Variants in KCNMA1 observed in about 807,000 individuals in gnomAD.
KCNMA1 encodes potassium calcium-activated channel subfamily M alpha 1, also known as Calcium-activated potassium channel subunit alpha-1.
KCNMA1 carries 29 observed loss-of-function variants against 140.0 expected under a neutral mutation model. The ratio of observed to expected loss-of-function variants is 0.21; its 90% CI spans 0.15 to 0.28. The LOEUF (loss-of-function observed/expected upper bound fraction) is 0.28, where lower values mean the gene tolerates loss of function less well. KCNMA1 is among the 10% of genes least tolerant of loss of function. The pLI is 1.00. For missense variants in KCNMA1, 880 were observed against 1,602.2 expected, an observed-to-expected ratio of 0.55 and a Z score of 7.70; for synonymous variants, 612 against 611.9, an observed-to-expected ratio of 1.00 and a Z score of 0.00.
At chr10:77,129,443 T>G (rs1420582112) in intron 5 of KCNMA1, among the ~76,000 whole-genome samples, 1 of 152,158 alleles carries the variant, frequency 6.6e-6, no homozygotes, top group Non-Finnish European at 1.5e-5. Flanking sequence ...AATAGCAAAT[T>G]TCCGTTAATC....
At chr10:76,977,607 C>T (rs1233371126) in intron 19 of KCNMA1, 1 of 702,940 alleles carries the variant, frequency 1.4e-6, no homozygotes, top group Non-Finnish European at 2.6e-6. Flanking sequence ...CCTTGCTTTC[C>T]AGTCTCCACA....
intron 12 of KCNMA1, among the ~76,000 whole-genome samples, chr10:77,081,570 G>T (rs777559040): frequency 2.0e-5 from 3 of 152,156 alleles, no homozygotes; most frequent in Non-Finnish European, 4.4e-5. Flanking sequence ...AGAGAAGGCA[G>T]CCAGGGAGCA....
chr10:76,897,616 CT>C (rs2043151402), intron 25 of KCNMA1, among the ~76,000 whole-genome samples: 1 of 151,832 alleles, frequency 6.6e-6, no homozygotes. Flanking sequence ...AAATTAGCTT[CT>C]TTAAAGATAA....
At chr10:77,415,306 A>G (rs144266834) in intron 1 of KCNMA1, among the ~76,000 whole-genome samples, 1 of 152,348 alleles carries the variant, frequency 6.6e-6, no homozygotes, top group African/African-American at 2.4e-5. Flanking sequence ...ATTGGAAAAT[A>G]TAAGTGACAG....
intron 1 of KCNMA1, among the ~76,000 whole-genome samples, chr10:77,607,891 G>T (rs749709424): frequency 2.6e-5 from 4 of 152,134 alleles, no homozygotes; most frequent in African/African-American, 9.7e-5. Flanking sequence ...CACTCGAGAG[G>T]TCCCTTCTCC....
chr10:76,963,069 C>T (rs1005049444), intron 20 of KCNMA1, among the ~76,000 whole-genome samples: 2 of 152,178 alleles, frequency 1.3e-5, no homozygotes, highest in South Asian at 4.1e-4. Flanking sequence ...GCCTGAAGTT[C>T]GCCTGGAGCC....
chr10:77,147,207 A>G (rs1236994863), intron 5 of KCNMA1, among the ~76,000 whole-genome samples: 1 of 152,220 alleles, frequency 6.6e-6, no homozygotes, highest in South Asian at 2.1e-4. Context: ...AACTTGTACT[A>G]TAACTTATTC....
intron 11 of KCNMA1, 100 bp from the exon 12 acceptor site, chr10:77,084,819 AAG>A (rs899897420): frequency 2.4e-6 from 2 of 823,018 alleles, no homozygotes; most frequent in Non-Finnish European, 4.0e-6. Context: ...AAGCTTTGCA[AAG>A]AAAAAAAAAA....
At chr10:77,189,904 G>A (rs901655069) in intron 3 of KCNMA1, among the ~76,000 whole-genome samples, 7 of 152,102 alleles carry the variant, frequency 4.6e-5, no homozygotes, top group Admixed American at 1.3e-4. Context: ...CACCATCACG[G>A]TCCCTGCCTG....
At chr10:77,146,197 T>G (rs1178599201) in intron 5 of KCNMA1, among the ~76,000 whole-genome samples, 1 of 152,182 alleles carries the variant, frequency 6.6e-6, no homozygotes, top group Non-Finnish European at 1.5e-5. Context: ...TAGGGGACGA[T>G]CCACCAGCCC....
intron 5 of KCNMA1, among the ~76,000 whole-genome samples, chr10:77,157,173 G>T (rs749269131): frequency 2.7e-4 from 41 of 152,208 alleles, no homozygotes; most frequent in Non-Finnish European, 5.0e-4. Context: ...CAGGCACAGT[G>T]GCTCATGCCT....
At chr10:77,011,894 G>C (rs2090857091) in intron 18 of KCNMA1, 73 bp downstream of exon 18, 1 of 1,305,336 alleles carries the variant, frequency 7.7e-7, no homozygotes, top group African/African-American at 1.5e-5. Context: ...TCTCTAATAA[G>C]AAAAGGGAAG....
intron 23 of KCNMA1, among the ~76,000 whole-genome samples, chr10:76,917,615 T>C (rs768928050): frequency 9.9e-5 from 15 of 152,136 alleles, no homozygotes; most frequent in Non-Finnish European, 2.1e-4. Flanking sequence ...CTATGGTAGG[T>C]GTCCAAAGAC....
intron 1 of KCNMA1, among the ~76,000 whole-genome samples, chr10:77,609,028 A>G (rs2085664196): frequency 6.6e-6 from 1 of 152,226 alleles, no homozygotes; most frequent in African/African-American, 2.4e-5. Context: ...TATGGAAAAC[A>G]GTATGGAGGT....
intron 2 of KCNMA1, among the ~76,000 whole-genome samples, chr10:77,386,327 T>C (rs909574371): frequency 1.3e-5 from 2 of 152,250 alleles, no homozygotes; most frequent in Non-Finnish European, 2.9e-5. Flanking sequence ...TAATGTCCTA[T>C]AAATCACAGC....
chr10:77,151,207 TC>T (rs2098412403), intron 5 of KCNMA1, among the ~76,000 whole-genome samples: 4 of 3,114 alleles, frequency 1.3e-3, no homozygotes, highest in Non-Finnish European at 2.4e-3. Flanking sequence ...TCTCTCTCTC[TC>T]TTTCTTTCTT....
chr10:77,249,245 C>T (rs146569861), intron 3 of KCNMA1, among the ~76,000 whole-genome samples: 2 of 152,130 alleles, frequency 1.3e-5, no homozygotes, highest in East Asian at 1.9e-4. Flanking sequence ...GTGCCATCTT[C>T]GCCAAGGCCT....
chr10:77,000,857 AATATATATATATATAT>A lies in KCNMA1; in HGVS notation c.2266+534_2266+549del, dbSNP rs56359933. Among the ~76,000 whole-genome samples the A allele has an allele frequency of 1.9e-3, 71 of 36,660 alleles. 7 individuals carry two copies. The highest frequency in any genetic ancestry group is 4.3e-3 in the African/African-American group (47 of 10,856). The allele number at this position is 36,660 out of a possible 152,430, so 24.1% of individuals were successfully genotyped here. ...GGTTAGAGAGACATAGTAAAAAGAA[AATATATATATATATAT>A]ATATATATATATATATATATATATA... is the stretch of plus-strand genomic sequence containing the variant. On this transcript the variant is annotated intron_variant, in intron 19 of 27. Coordinates refer to ENST00000286628, the MANE Select transcript of KCNMA1 (RefSeq NM_001161352.2).
intron 14 of KCNMA1, among the ~76,000 whole-genome samples, chr10:77,068,165 G>T (rs769721552): frequency 2.0e-5 from 3 of 152,206 alleles, no homozygotes; most frequent in East Asian, 3.8e-4. Context: ...GTAAAAGGAG[G>T]ATAATAATAG....
Sources: allele counts gnomAD v4.1 joint callset (sites outside exome capture counted in the v4.1 genomes callset), GRCh38; gene constraint gnomAD v4.1.1; transcripts MANE v1.5; gene names NCBI Gene and HGNC (gene_info 2026-07-23, HGNC 2026-07-21).